SPATS2L: variants seen among roughly 807,000 people sequenced by gnomAD.
SPATS2L encodes spermatogenesis associated serine rich 2 like, also known as SPATS2-like protein.
A neutral mutation model predicts 59.6 loss-of-function variants in SPATS2L; 30 were observed. The ratio of observed to expected loss-of-function variants is 0.50; its 90% CI spans 0.38 to 0.68. SPATS2L has a LOEUF of 0.68. SPATS2L is among the 30% of genes least tolerant of loss of function. The pLI is 0.00. For missense variants in SPATS2L, 615 were observed against 700.0 expected (o/e 0.88, Z 1.37); for synonymous variants, 252 against 263.5 (o/e 0.96, Z 0.42).
At chr2:200,423,253 A>G (rs147637365) in intron 6 of SPATS2L, among the ~76,000 whole-genome samples, 32 of 152,326 alleles carry the variant, frequency 2.1e-4, no homozygotes, top group African/African-American at 3.1e-4. Flanking sequence ...CCTGCCTTCA[A>G]ATTATGAAGG....
At chr2:200,353,233 A>C (rs1178441909) in intron 2 of SPATS2L, among the ~76,000 whole-genome samples, 4 of 152,236 alleles carry the variant, frequency 2.6e-5, no homozygotes, top group African/African-American at 9.6e-5. Context: ...ACAGTTCTGG[A>C]AATGGAAATT....
rs1176232420 is a variant in SPATS2L, at chr2:200,480,536, A to G, written c.*2505A>G. On this transcript the variant is annotated 3_prime_UTR_variant, in exon 13 of 13. Coordinates refer to ENST00000409140, the MANE Select transcript of SPATS2L (RefSeq NM_001100423.2). ...AGGTGTGCACCACAACGTCCCAGCT[A>G]CTTTTTAAATTTTTAGTAGAAACGA... 6.6e-6 allele frequency: 1 copy of G among 152,086 alleles called. No individual in the cohort carries two copies. Among genetic ancestry groups the G allele is most frequent in the African/African-American group, 2.4e-5 (1 of 41,410 alleles). 9.4% of individuals were successfully genotyped at this position (152,086 alleles called of 1,614,324 possible). A position where few individuals can be genotyped will look rare whatever the true frequency, so the allele number is the denominator to read the frequency against.
chr2:200,343,492 A>G (rs1166088247), intron 2 of SPATS2L, among the ~76,000 whole-genome samples: 2 of 152,212 alleles, frequency 1.3e-5, no homozygotes, highest in African/African-American at 4.8e-5. Flanking sequence ...AAGTAACTCA[A>G]GTAAATTGAA....
At chr2:200,391,611 T>G (rs905858488) in intron 3 of SPATS2L, among the ~76,000 whole-genome samples, 4 of 152,208 alleles carry the variant, frequency 2.6e-5, no homozygotes, top group African/African-American at 9.6e-5. Flanking sequence ...GAATATGACT[T>G]GATCTTACAT....
chr2:200,352,950 C>T (rs945429463), intron 2 of SPATS2L, among the ~76,000 whole-genome samples: 4 of 152,114 alleles, frequency 2.6e-5, no homozygotes, highest in African/African-American at 9.7e-5. Context: ...AGCCACATTC[C>T]AATTTTAGCT....
At chr2:200,364,095 T>TG (rs975223143) in intron 2 of SPATS2L, among the ~76,000 whole-genome samples, 18 of 152,140 alleles carry the variant, frequency 1.2e-4, no homozygotes, top group Admixed American at 1.1e-3. Context: ...GCTTTGAAGA[T>TG]GGGGGAAGGA....
At chr2:200,366,265 C>A (rs972594372) in intron 2 of SPATS2L, among the ~76,000 whole-genome samples, 1 of 152,214 alleles carries the variant, frequency 6.6e-6, no homozygotes, top group Admixed American at 6.5e-5. Context: ...CATACATTAA[C>A]AGTCAACAGA....
At chr2:200,446,509 G>A (rs1216867105) in intron 8 of SPATS2L, among the ~76,000 whole-genome samples, 1 of 152,180 alleles carries the variant, frequency 6.6e-6, no homozygotes, top group Non-Finnish European at 1.5e-5. Context: ...GCCACAGGGA[G>A]AGAGTGCCGC....
chr2:200,428,250 G>GT lies in SPATS2L; in HGVS notation c.445+8755dup, dbSNP rs559633058. Among the ~76,000 whole-genome samples the GT allele has an allele frequency of 2.6e-5, 4 of 152,310 alleles. No homozygotes were observed. The South Asian group carries it at 8.3e-4, about 32-fold the overall frequency. On this transcript the variant is annotated intron_variant, in intron 6 of 12. Transcript: ENST00000409140. ...AACTGCTCTAGGTAAGCTGTTATAG[G>GT]TAAGTTTAGCAATGGCCTCCATATT...
intron 9 of SPATS2L, among the ~76,000 whole-genome samples, chr2:200,460,619 T>C (rs1372632381): frequency 1.3e-5 from 2 of 151,388 alleles, no homozygotes; most frequent in Admixed American, 6.6e-5. Flanking sequence ...GGCGTAGTGG[T>C]GGGCACCTGT....
chr2:200,390,667 G>GT (rs1195040186), intron 3 of SPATS2L: 1 of 152,326 alleles, frequency 6.6e-6, no homozygotes, highest in Non-Finnish European at 1.5e-5. Flanking sequence ...AAGGTGATTG[G>GT]TGATGGGAGA....
chr2:200,453,336 G>A (rs1040181745), intron 8 of SPATS2L, among the ~76,000 whole-genome samples: 1 of 152,222 alleles, frequency 6.6e-6, no homozygotes, highest in African/African-American at 2.4e-5. Context: ...AGAACCGTAC[G>A]GTCTTTCTGC....
chr2:200,421,212 G>A (rs893016347), intron 6 of SPATS2L, among the ~76,000 whole-genome samples: 3 of 152,150 alleles, frequency 2.0e-5, no homozygotes, highest in African/African-American at 7.2e-5. Flanking sequence ...GAAGAGAGGT[G>A]CAGTATCCGA....
chr2:200,306,759 C>A lies in SPATS2L; in HGVS notation c.-236C>A, dbSNP rs2079026323. ...CTGCGCCCTCCGCTGCAAGCGCCGG[C>A]AGCGCGGGGCGAGCTCCGGACGGCG... On this transcript the variant is annotated 5_prime_UTR_variant, in exon 1 of 13. Coordinates refer to ENST00000409140, the MANE Select transcript of SPATS2L (RefSeq NM_001100423.2). 4.1e-6 allele frequency: 4 copies of A among 982,564 alleles called. No individual in the cohort carries two copies. In the African/African-American group the frequency reaches 7.0e-5, roughly 17 times the overall value. The allele number at this position is 982,564 out of a possible 1,614,324, so 60.9% of individuals were successfully genotyped here. A position where few individuals can be genotyped will look rare whatever the true frequency, so the allele number is the denominator to read the frequency against.
intron 1 of SPATS2L, among the ~76,000 whole-genome samples, chr2:200,309,791 T>C (rs2079137286): frequency 6.6e-6 from 1 of 152,332 alleles, no homozygotes; most frequent in Admixed American, 6.5e-5. Context: ...TTTTTTGAAG[T>C]AGTCTTGCTA....
In SPATS2L at chr2:200,392,830, C is replaced by T. The variant is rs111651271; in HGVS notation, c.39+3547C>T. Among the ~76,000 whole-genome samples the T allele has an allele frequency of 9.8e-3, 1,497 of 152,234 alleles. 14 individuals carry two copies. The highest frequency in any genetic ancestry group is 0.015 in the Non-Finnish European group (1,021 of 68,012). On this transcript the variant is annotated intron_variant, in intron 3 of 12. Coordinates refer to ENST00000409140, the MANE Select transcript of SPATS2L (RefSeq NM_001100423.2). ...TGGGAGAACTAAGTGGGAGAACACC[C>T]AGCTGATGTCTGCTGAAGAATCCAC...
intron 3 of SPATS2L, among the ~76,000 whole-genome samples, chr2:200,411,491 T>C (rs1256153641): frequency 1.3e-5 from 2 of 152,198 alleles, no homozygotes; most frequent in African/African-American, 4.8e-5. Flanking sequence ...GTATTCTCAG[T>C]AGCAGCTGCA....
chr2:200,402,936 G>C (rs1375443759), intron 3 of SPATS2L, among the ~76,000 whole-genome samples: 1 of 152,150 alleles, frequency 6.6e-6, no homozygotes, highest in Non-Finnish European at 1.5e-5. Context: ...CAAAATGCAA[G>C]GTTCTAAAAC....
intron 8 of SPATS2L, among the ~76,000 whole-genome samples, chr2:200,443,806 C>T (rs1388972707): frequency 6.6e-6 from 1 of 152,168 alleles, no homozygotes; most frequent in African/African-American, 2.4e-5. Context: ...CTGTTGTTTG[C>T]ATATCCTCAA....
Sources: gnomAD v4.1 joint callset for allele counts (sites outside exome capture counted in the v4.1 genomes callset) on GRCh38, gnomAD v4.1.1 for gene constraint, MANE v1.5 for transcripts, NCBI Gene and HGNC (gene_info 2026-07-23, HGNC 2026-07-21) for gene names.